Variants in RNF213 observed in about 807,000 individuals in gnomAD.
The protein encoded by RNF213 is ring finger protein 213.
In RNF213, 341 loss-of-function variants were observed where a neutral mutation model predicts 514.4. That is an observed-to-expected ratio of 0.66 (90% CI 0.61 to 0.73). The LOEUF is 0.73. RNF213 is among the 30% of genes least tolerant of loss of function. The probability of loss-of-function intolerance (pLI) is 0.00; values close to 1 mark genes in which losing one functional copy is unlikely to be tolerated. For missense variants in RNF213, 5,767 were observed against 6,615.6 expected (o/e 0.87, Z 4.45); for synonymous variants, 2,655 against 2,658.2 (o/e 1.00, Z 0.04).
rs116554076 is a variant in RNF213 at position 80,343,540 on chromosome 17, G to A, written c.6183+215G>A. Among the ~76,000 whole-genome samples, 7,101 of 152,268 alleles carry A rather than the reference G, an allele frequency of 0.047. 191 individuals carry two copies. Among genetic ancestry groups the A allele is most frequent in the Middle Eastern group, 0.058 (17 of 294 alleles). On this transcript the variant is annotated intron_variant, in intron 27 of 67. Coordinates refer to ENST00000582970, the MANE Select transcript of RNF213 (RefSeq NM_001256071.3). This position sits in a 1 kb window ranked among gnomAD's most constrained non-coding sequence, Gnocchi z 4.3. Reference sequence around the variant, plus strand: ...GCGCTTACACTAACCTAGACGTAGAGCCCACTGCACACACAGGCTTTATGG... The same window carrying A: ...GCGCTTACACTAACCTAGACGTAGAACCCACTGCACACACAGGCTTTATGG...
intron 17 of RNF213, among the ~76,000 whole-genome samples, chr17:80,324,098 A>G (rs2046218185): frequency 6.6e-6 from 1 of 152,182 alleles, no homozygotes; most frequent in Admixed American, 6.6e-5. Context: ...TCTCTTGCAT[A>G]ACTGCCCTGG....
intron 40 of RNF213, 125 bp from the exon 41 acceptor site, chr17:80,363,484 C>G (rs775202047): frequency 5.0e-5 from 63 of 1,266,820 alleles, no homozygotes; most frequent in Non-Finnish European, 6.7e-5. Context: ...CTTCTCACAT[C>G]CTAGACAATG....
chr17:80,308,042 T>C (rs1233553463), intron 13 of RNF213, among the ~76,000 whole-genome samples: 1 of 151,970 alleles, frequency 6.6e-6, no homozygotes, highest in Admixed American at 6.6e-5. Context: ...AAATCAAAGG[T>C]AGCTTTATAT....
At chr17:80,308,199 C>T (rs1283243134) in intron 13 of RNF213, among the ~76,000 whole-genome samples, 1 of 152,002 alleles carries the variant, frequency 6.6e-6, no homozygotes, top group Non-Finnish European at 1.5e-5. Flanking sequence ...CGGGCACTTC[C>T]AGTCTTCGTT....
chr17:80,359,549 AAAAG>A (rs2078968082), intron 37 of RNF213, among the ~76,000 whole-genome samples: 3 of 148,666 alleles, frequency 2.0e-5, no homozygotes, highest in Non-Finnish European at 3.0e-5. Flanking sequence ...AAAAAAAAAA[AAAAG>A]AGTGAGAGAG....
In RNF213 at chr17:80,393,414, G is replaced by T. The variant is rs138418700; in HGVS notation, c.15540G>T (p.Gln5180His). The T allele has an allele frequency of 1.1e-4, 184 of 1,614,184 alleles. No individual in the cohort carries two copies. Among genetic ancestry groups the T allele is most frequent in the Admixed American group, 2.3e-4 (14 of 60,026 alleles). Reference sequence around the variant, plus strand: ...AAATTCTTCCTGAAATGGCATCTCAGTTCCCAGAAGAGATACTGCTCGCCA... The same window carrying T: ...AAATTCTTCCTGAAATGGCATCTCATTTCCCAGAAGAGATACTGCTCGCCA... Reference protein sequence around the residue: ...ESEILPEMASQFPEEILLASC... With the variant: ...ESEILPEMASHFPEEILLASC... Residue 5180 changes from glutamine to histidine, a missense_variant, in exon 68 of 68, where the codon CAG (glutamine) becomes CAT (histidine). Physicochemically the swap from Gln to His is conservative, Grantham distance 24 (BLOSUM62 0). Transcript: ENST00000582970.
chr17:80,354,817 T>G (rs1444938681), intron 36 of RNF213: 1 of 568,652 alleles, frequency 1.8e-6, no homozygotes, highest in African/African-American at 1.9e-5. Flanking sequence ...TACTAAAAAC[T>G]TAAAAAAAGT....
In RNF213 at chr17:80,398,507, T is replaced by G. The variant is rs2080704442; in HGVS notation, c.*5009T>G. 1 of 152,182 alleles carries G rather than the reference T, an allele frequency of 6.6e-6. No homozygotes were observed. The highest frequency in any genetic ancestry group is 2.4e-5 in the African/African-American group (1 of 41,424). 9.4% of individuals were successfully genotyped at this position (152,182 alleles called of 1,614,324 possible). A position where few individuals can be genotyped will look rare whatever the true frequency, so the allele number is the denominator to read the frequency against. On this transcript the variant is annotated 3_prime_UTR_variant, in exon 68 of 68. Coordinates refer to ENST00000582970, the MANE Select transcript of RNF213 (RefSeq NM_001256071.3). The stretch of plus-strand genomic sequence containing the variant: ...TCAGAGTGAAGCCTGGACAGGTCCC[T>G]TGTTTCAAAGGTATGGCACAAGGTA...
At chr17:80,273,796 A>C (rs561226751) in intron 3 of RNF213, among the ~76,000 whole-genome samples, 1 of 151,238 alleles carries the variant, frequency 6.6e-6, no homozygotes, top group South Asian at 2.1e-4. Context: ...ATTTTTTTGT[A>C]TTTAGTAGAG....
rs547600333 is a variant in RNF213 at position 80,326,226 on chromosome 17, G to A, written c.3193+1028G>A. 1.9e-4 allele frequency among the ~76,000 whole-genome samples: 29 copies of A among 152,288 alleles called. No individual in the cohort carries two copies. The South Asian group carries it at 4.4e-3, about 23-fold the overall frequency. On this transcript the variant is annotated intron_variant, in intron 18 of 67. Coordinates refer to ENST00000582970, the MANE Select transcript of RNF213 (RefSeq NM_001256071.3). ...GTAAGCGCTGACCTCCCGGGCTCAC[G>A]TGATCCTCCTGCCTCAGCCTCCCAA...
intron 42 of RNF213, among the ~76,000 whole-genome samples, chr17:80,366,784 C>T (rs1206685429): frequency 6.6e-6 from 1 of 152,032 alleles, no homozygotes; most frequent in Non-Finnish European, 1.5e-5. Flanking sequence ...AAAGAAATAC[C>T]CTTGTCAAAC....
intron 6 of RNF213, 69 bp from the exon 7 acceptor site, chr17:80,290,501 G>GTGTGTGTGTGCACC: frequency 6.3e-7 from 1 of 1,584,778 alleles, no homozygotes. Context: ...GTGTGTGCGC[G>GTGTGTGTGTGCACC]TGTGTGCATG....
At position 80,276,936 on chromosome 17, in the gene RNF213, A is replaced by G. The variant is rs142544809; in HGVS notation, c.261+3532A>G. ...GCTGGGCGTGGTGGCGTATGCCTGT[A>G]ATCCCAGCTACTTGGGCGGCTGAGG... On this transcript the variant is annotated intron_variant, in intron 3 of 67. Coordinates refer to ENST00000582970, the MANE Select transcript of RNF213 (RefSeq NM_001256071.3). Among the ~76,000 whole-genome samples, 1,027 of 152,140 alleles carry G rather than the reference A, an allele frequency of 6.8e-3. 10 individuals are homozygous for G. Among genetic ancestry groups the G allele is most frequent in the African/African-American group, 0.024 (994 of 41,490 alleles).
At position 80,386,305 on chromosome 17, in the gene RNF213, G is replaced by A. The variant is rs1420016300; in HGVS notation, c.14595G>A (p.Glu4865=). 6.2e-7 allele frequency: 1 copy of A among 1,613,488 alleles called. No individual in the cohort carries two copies. Among genetic ancestry groups the A allele is most frequent in the Non-Finnish European group, 8.5e-7 (1 of 1,180,026 alleles). ...YCSTDLDLDT[E]FEILLPRRRG... ...GCACTGACTTGGATCTGGACACTGA[G>A]TTTGAGATCCTCTTGCCACGCCGAC... The change falls in exon 62 of 68, where the codon GAG becomes GAA. Residue 4865 remains glutamate (E), a synonymous_variant. Coordinates refer to ENST00000582970, the MANE Select transcript of RNF213 (RefSeq NM_001256071.3).
At position 80,264,752 on chromosome 17, in the gene RNF213, C is replaced by T. The variant is rs1294681440; in HGVS notation, c.97+974C>T. ...CCCCTTACAAGATCCGCCCCTGCCC[C>T]CGCTGTAACTCAGGACAAGCAGGAG... On this transcript the variant is annotated intron_variant, in intron 2 of 67. Coordinates refer to ENST00000582970, the MANE Select transcript of RNF213 (RefSeq NM_001256071.3). The surrounding 1 kb of genome is among the most constrained non-coding windows in gnomAD (Gnocchi z 5.0). Among the ~76,000 whole-genome samples, 2 of 152,118 alleles carry T rather than the reference C, an allele frequency of 1.3e-5. No individual in the cohort carries two copies. The highest frequency in any genetic ancestry group is 4.8e-5 in the African/African-American group (2 of 41,430).
In RNF213 at chr17:80,339,706, T is replaced by C; in HGVS notation, c.5339T>C (p.Ile1780Thr). The change falls in exon 26 of 68, where the codon ATC becomes ACC. Residue 1780 changes from isoleucine to threonine, a missense_variant. Physicochemically the swap from Ile to Thr is moderately conservative, Grantham distance 89. Coordinates refer to ENST00000582970, the MANE Select transcript of RNF213 (RefSeq NM_001256071.3). ...SEFSLVDKLR[I>T]IMEQSMRCLP... Reference sequence around the variant, plus strand: ...TTCAGCCTGGTGGACAAGCTGAGGATCATCATGGAGCAGTCCATGAGGTGC... The same window carrying C: ...TTCAGCCTGGTGGACAAGCTGAGGACCATCATGGAGCAGTCCATGAGGTGC... The C allele has an allele frequency of 1.3e-6, 2 of 1,537,096 alleles. No homozygotes were observed. Among genetic ancestry groups the C allele is most frequent in the Non-Finnish European group, 8.7e-7 (1 of 1,146,868 alleles).
In RNF213 at chr17:80,290,473, G is replaced by T. The variant is rs1447262880; in HGVS notation, c.1113-97G>T. 4.9e-6 allele frequency: 7 copies of T among 1,432,328 alleles called. No homozygotes were observed. The East Asian group carries it at 1.1e-4, about 23-fold the overall frequency. 88.7% of individuals were successfully genotyped at this position (1,432,328 alleles called of 1,614,324 possible). A position where few individuals can be genotyped will look rare whatever the true frequency, so the allele number is the denominator to read the frequency against. ...TGTGCGAGTGCATGTGTGTGTGCACGTGTGTGTGCGCACGTGTGTGTGTGC... is the reference window on the plus strand; with the variant it reads ...TGTGCGAGTGCATGTGTGTGTGCACTTGTGTGTGCGCACGTGTGTGTGTGC... On this transcript the variant is annotated intron_variant, in intron 6 of 67. Transcript: ENST00000582970.
intron 10 of RNF213, among the ~76,000 whole-genome samples, chr17:80,296,515 G>A (rs1358957504): frequency 1.3e-5 from 2 of 152,180 alleles, no homozygotes; most frequent in Admixed American, 6.5e-5. Context: ...TCCTGGGCCT[G>A]AAATGTTCAG....
Position 80,353,318 on chromosome 17 carries a change from C to T in RNF213, c.10424-194C>T. The T allele has an allele frequency of 1.3e-6, 1 of 799,406 alleles. No individual in the cohort carries two copies. Among genetic ancestry groups the T allele is most frequent in the Non-Finnish European group, 2.0e-6 (1 of 489,098 alleles). The allele number at this position is 799,406 out of a possible 1,614,324, so 49.5% of individuals were successfully genotyped here. ...TGAGCACCTAGAACACGCCAGAGCC[C>T]AGGCTGGAAGGAAGGGGCTGCCTTG... is the stretch of plus-strand genomic sequence containing the variant. On this transcript the variant is annotated intron_variant, in intron 33 of 67. Transcript: ENST00000582970. This position sits in a 1 kb window ranked among gnomAD's most constrained non-coding sequence, Gnocchi z 5.0.
Sources: allele counts gnomAD v4.1 joint callset (sites outside exome capture counted in the v4.1 genomes callset), GRCh38; gene constraint gnomAD v4.1.1; non-coding constraint Gnocchi (gnomAD v3.1); transcripts MANE v1.5; gene names NCBI Gene and HGNC (gene_info 2026-07-23, HGNC 2026-07-21).